The following RAP1GAP2 variants were observed in gnomAD, a reference collection of about 807,000 sequenced individuals.
RAP1GAP2 encodes the protein rap1 GTPase-activating protein 2.
RAP1GAP2 carries 27 observed loss-of-function variants against 95.0 expected under a neutral mutation model. The observed-to-expected ratio is 0.28, with a 90% CI of 0.21 to 0.39. The LOEUF (loss-of-function observed/expected upper bound fraction) is 0.39. RAP1GAP2 is among the 10% of genes least tolerant of loss of function. The pLI, the probability that RAP1GAP2 is intolerant of heterozygous loss-of-function variation, is 1.00. For synonymous variants in RAP1GAP2, 373 were observed against 380.9 expected (o/e 0.98, Z 0.24); for missense variants, 771 against 970.0 (o/e 0.79, Z 2.72).
chr17:2,988,849 C>T (rs1192618210), intron 11 of RAP1GAP2, among the ~76,000 whole-genome samples: 1 of 152,138 alleles, frequency 6.6e-6, no homozygotes, highest in African/African-American at 2.4e-5. Context: ...ATCACGAGGT[C>T]AGGAGATTGA....
chr17:3,007,936 T>A (rs373020950), intron 16 of RAP1GAP2, 75 bp from the exon 17 acceptor site: 10 of 1,527,304 alleles, frequency 6.5e-6, no homozygotes, highest in Non-Finnish European at 8.9e-6. Context: ...AGGCCAGGTG[T>A]CTGGAGCTCA....
chr17:2,993,355 C>G (rs561083816), intron 12 of RAP1GAP2, among the ~76,000 whole-genome samples: 4 of 151,920 alleles, frequency 2.6e-5, no homozygotes, highest in African/African-American at 9.7e-5. Context: ...GGGCAGATCA[C>G]GAGGTCAGGA....
intron 2 of RAP1GAP2, among the ~76,000 whole-genome samples, chr17:2,841,596 G>A (rs1461412663): frequency 4.6e-5 from 7 of 152,032 alleles, no homozygotes; most frequent in South Asian, 4.1e-4. Context: ...GTGAGCCACC[G>A]TGCCCGGCCG....
At chr17:2,868,310 A>G (rs1049493960) in intron 2 of RAP1GAP2, among the ~76,000 whole-genome samples, 1 of 152,136 alleles carries the variant, frequency 6.6e-6, no homozygotes, top group Non-Finnish European at 1.5e-5. Flanking sequence ...TCTTAGAGAT[A>G]GGCACCTCTA....
Position 2,941,444 on chromosome 17 carries a change from A to G in RAP1GAP2, c.166-16315A>G, listed in dbSNP as rs533581030. Among the ~76,000 whole-genome samples the G allele has an allele frequency of 2.0e-5, 3 of 148,404 alleles. No homozygotes were observed. In the South Asian group the frequency reaches 6.3e-4, roughly 31 times the overall value. On this transcript the variant is annotated intron_variant, in intron 3 of 24. Transcript: ENST00000254695. ...AAAAATAAAATGAAATAAAAACAAC[A>G]AAAACAAAAAAAAGACCATGTGGCT...
At chr17:2,985,749 A>G (rs1168048889) in intron 11 of RAP1GAP2, among the ~76,000 whole-genome samples, 1 of 152,208 alleles carries the variant, frequency 6.6e-6, no homozygotes, top group African/African-American at 2.4e-5. Flanking sequence ...CTCTGTGAGC[A>G]AATGACCTGG....
intron 3 of RAP1GAP2, among the ~76,000 whole-genome samples, chr17:2,909,368 G>A (rs1220811340): frequency 6.6e-6 from 1 of 152,136 alleles, no homozygotes; most frequent in Non-Finnish European, 1.5e-5. Flanking sequence ...GCCCTGGGAG[G>A]GGTGGGGCGG....
chr17:2,760,484 G>C (rs551461658), intron 1 of RAP1GAP2, among the ~76,000 whole-genome samples: 1 of 150,898 alleles, frequency 6.6e-6, no homozygotes, highest in African/African-American at 2.4e-5. Flanking sequence ...GAGATTACAG[G>C]TGTGTGCCAC....
chr17:2,895,717 C>T (rs2041798991), intron 2 of RAP1GAP2, among the ~76,000 whole-genome samples: 2 of 152,246 alleles, frequency 1.3e-5, no homozygotes, highest in South Asian at 2.1e-4. Context: ...GCTGGGATTA[C>T]AGGCGCCTGC....
chr17:2,994,751 A>G (rs563285317), intron 12 of RAP1GAP2, among the ~76,000 whole-genome samples: 2 of 152,326 alleles, frequency 1.3e-5, no homozygotes, highest in South Asian at 4.1e-4. Flanking sequence ...TCCTTCCCAT[A>G]TAACCAGCAA....
chr17:2,856,712 C>A (rs1191823527), intron 2 of RAP1GAP2, among the ~76,000 whole-genome samples: 1 of 152,124 alleles, frequency 6.6e-6, no homozygotes, highest in Non-Finnish European at 1.5e-5. Flanking sequence ...ACCCGGGTAC[C>A]CCAGGCCCAT....
In RAP1GAP2 at chr17:2,806,944, G is replaced by A. The variant is rs184469815; in HGVS notation, c.80+6394G>A. Among the ~76,000 whole-genome samples, 1,093 of 150,024 alleles carry A rather than the reference G, an allele frequency of 7.3e-3. 14 individuals carry two copies. Among genetic ancestry groups the A allele is most frequent in the African/African-American group, 0.026 (1,045 of 40,756 alleles). On this transcript the variant is annotated intron_variant, in intron 2 of 24. Coordinates refer to ENST00000254695, the MANE Select transcript of RAP1GAP2 (RefSeq NM_015085.5). ...AGCGATCCACCTGCCTCGGCCTCCC[G>A]AAGTGCTGTGATTACAGGCATGAGC...
Position 2,800,137 on chromosome 17 carries a change from G to A in RAP1GAP2, c.45-378G>A, listed in dbSNP as rs538309949. 119 of 973,012 alleles carry A rather than the reference G, an allele frequency of 1.2e-4. No homozygotes were observed. In the East Asian group the frequency reaches 2.7e-3, roughly 22 times the overall value. The allele number at this position is 973,012 out of a possible 1,614,324, so 60.3% of individuals were successfully genotyped here. On this transcript the variant is annotated intron_variant, in intron 1 of 24. Transcript: ENST00000254695. The stretch of plus-strand genomic sequence containing the variant: ...GACATCCGTGCTGACCCCTGAAGCC[G>A]GGTTGCTGGGTTCTCTTGCGAGGGT...
intron 2 of RAP1GAP2, among the ~76,000 whole-genome samples, chr17:2,860,532 A>G (rs562724535): frequency 2.6e-5 from 4 of 151,630 alleles, no homozygotes; most frequent in South Asian, 2.1e-4. Flanking sequence ...AAAACATTCA[A>G]ATAGAACCAG....
intron 2 of RAP1GAP2, among the ~76,000 whole-genome samples, chr17:2,881,166 C>T (rs1230715718): frequency 6.6e-6 from 1 of 151,492 alleles, no homozygotes; most frequent in Non-Finnish European, 1.5e-5. Flanking sequence ...GAGGCTGAGG[C>T]AGGAGGATTG....
intron 3 of RAP1GAP2, among the ~76,000 whole-genome samples, chr17:2,913,261 C>T (rs1282885528): frequency 6.6e-6 from 1 of 151,790 alleles, no homozygotes; most frequent in Non-Finnish European, 1.5e-5. Context: ...CTGTGCACAC[C>T]TGAGCATGTG....
rs2042684634 is a variant in RAP1GAP2 at position 2,919,644 on chromosome 17, G to A, written c.165+14276G>A. Among the ~76,000 whole-genome samples the A allele has an allele frequency of 2.0e-5, 3 of 152,204 alleles. No individual in the cohort carries two copies. The South Asian group carries it at 6.2e-4, about 32-fold the overall frequency. On this transcript the variant is annotated intron_variant, in intron 3 of 24. Coordinates refer to ENST00000254695, the MANE Select transcript of RAP1GAP2 (RefSeq NM_015085.5). ...GCCCATGGTCTGGGGGGTCTGGGCT[G>A]ATGGTAAAGGTGACCGGCTGCCAGG... is the stretch of plus-strand genomic sequence containing the variant.
intron 2 of RAP1GAP2, among the ~76,000 whole-genome samples, chr17:2,802,951 A>G (rs1311845089): frequency 6.6e-6 from 1 of 152,160 alleles, no homozygotes; most frequent in Admixed American, 6.6e-5. Flanking sequence ...TGTCCAGTGG[A>G]CACAATAATG....
rs1487890255 is a variant in RAP1GAP2, at chr17:2,891,873, G to T, written c.81-13411G>T. Reference sequence around the variant, plus strand: ...AGTTTCACTCTCGTCTCCCAGGCTGGAGTGTAATGATGTGATCTCGGCTCA... The same window carrying T: ...AGTTTCACTCTCGTCTCCCAGGCTGTAGTGTAATGATGTGATCTCGGCTCA... On this transcript the variant is annotated intron_variant, in intron 2 of 24. Coordinates refer to ENST00000254695, the MANE Select transcript of RAP1GAP2 (RefSeq NM_015085.5). 3.9e-4 allele frequency among the ~76,000 whole-genome samples: 53 copies of T among 134,786 alleles called. No homozygotes were observed. In the Admixed American group the frequency reaches 4.4e-3, roughly 11 times the overall value. 88.4% of individuals were successfully genotyped at this position (134,786 alleles called of 152,430 possible).
Sources: gnomAD v4.1 joint callset for allele counts (sites outside exome capture counted in the v4.1 genomes callset) on GRCh38, gnomAD v4.1.1 for gene constraint, MANE v1.5 for transcripts, NCBI Gene and HGNC (gene_info 2026-07-23, HGNC 2026-07-21) for gene names.